The following DUSP16 variants were observed in gnomAD, a reference collection of about 807,000 sequenced individuals.
DUSP16 encodes dual specificity protein phosphatase 16.
DUSP16 carries 21 observed loss-of-function variants against 58.3 expected under a neutral mutation model. The observed-to-expected ratio is 0.36, with a 90% CI of 0.26 to 0.52. The LOEUF (loss-of-function observed/expected upper bound fraction) is 0.52, where lower values mean the gene tolerates loss of function less well. DUSP16 is among the 20% of genes least tolerant of loss of function. DUSP16 has a pLI of 0.94. For synonymous variants in DUSP16, 320 were observed against 323.8 expected, an observed-to-expected ratio of 0.99 and a Z score of 0.12; for missense variants, 726 against 819.0, an observed-to-expected ratio of 0.89 and a Z score of 1.39.
At chr12:12,553,898 T>C (rs529798251) in intron 1 of DUSP16, among the ~76,000 whole-genome samples, 9 of 152,164 alleles carry the variant, frequency 5.9e-5, no homozygotes, top group South Asian at 2.1e-4. Context: ...ACAGAACTTA[T>C]AGAAAATGTC....
At chr12:12,494,943 G>T (rs941446064) in intron 4 of DUSP16, among the ~76,000 whole-genome samples, 5 of 152,024 alleles carry the variant, frequency 3.3e-5, no homozygotes, top group African/African-American at 1.2e-4. Flanking sequence ...GTGTGGCACG[G>T]AATAAAGTAA....
intron 1 of DUSP16, among the ~76,000 whole-genome samples, chr12:12,546,264 G>A (rs1207617907): frequency 6.6e-6 from 1 of 152,146 alleles, no homozygotes; most frequent in Non-Finnish European, 1.5e-5. Context: ...CTTTACCTGT[G>A]TTTCGTGGTT....
Position 12,521,397 on chromosome 12 carries a change from G to C in DUSP16, c.-299C>G. On this transcript the variant is annotated 5_prime_UTR_variant, in exon 2 of 7. Coordinates refer to ENST00000298573, the MANE Select transcript of DUSP16 (RefSeq NM_030640.3). ...CCACAACAAAAGATGCTTTGGAGCA[G>C]CCAGCGCATTACATCATTCTTTACC... 1 of 1,272,236 alleles carries C rather than the reference G, an allele frequency of 7.9e-7. No homozygotes were observed. Among genetic ancestry groups the C allele is most frequent in the Non-Finnish European group, 1.0e-6 (1 of 1,000,786 alleles). 78.8% of individuals were successfully genotyped at this position (1,272,236 alleles called of 1,614,324 possible). A position where few individuals can be genotyped will look rare whatever the true frequency, so the allele number is the denominator to read the frequency against.
chr12:12,482,981 G>T (rs1441470051), intron 5 of DUSP16, among the ~76,000 whole-genome samples: 4 of 152,156 alleles, frequency 2.6e-5, no homozygotes, highest in African/African-American at 9.7e-5. Context: ...CCAAAGTGCT[G>T]TGATTGATTA....
Position 12,554,035 on chromosome 12 carries a change from T to C in DUSP16, c.-366+8082A>G, listed in dbSNP as rs1251979774. ...CACCCTGGTGAAACCACATCTCTAC[T>C]AAAAATACAAAAATTAGCTGGTGTG... On this transcript the variant is annotated intron_variant, in intron 1 of 6. Coordinates refer to ENST00000298573, the MANE Select transcript of DUSP16 (RefSeq NM_030640.3). 3.3e-5 allele frequency among the ~76,000 whole-genome samples: 5 copies of C among 151,654 alleles called. No individual in the cohort carries two copies. The East Asian group carries it at 7.8e-4, about 24-fold the overall frequency.
intron 1 of DUSP16, chr12:12,554,669 C>T (rs1039034531): frequency 1.4e-5 from 2 of 148,004 alleles, no homozygotes; most frequent in Admixed American, 6.7e-5. Flanking sequence ...CCTGTAAGTA[C>T]ATCCATATGT....
chr12:12,537,808 A>C (rs1330551163), intron 1 of DUSP16, among the ~76,000 whole-genome samples: 1 of 152,238 alleles, frequency 6.6e-6, no homozygotes, highest in Non-Finnish European at 1.5e-5. Context: ...ACACGATAAT[A>C]AATGTTCAGT....
chr12:12,547,530 T>TTA (rs1944662474), intron 1 of DUSP16, among the ~76,000 whole-genome samples: 3 of 106,210 alleles, frequency 2.8e-5, no homozygotes, highest in Non-Finnish European at 3.8e-5. Context: ...GTGAGTAGGC[T>TTA]TAAAAAAAAA....
intron 5 of DUSP16, 80 bp from the exon 6 acceptor site, chr12:12,480,426 G>GT: frequency 2.6e-6 from 4 of 1,534,292 alleles, no homozygotes; most frequent in Non-Finnish European, 2.7e-6. Flanking sequence ...TACTTACTCA[G>GT]TGTCTTCCAC....
Position 12,477,099 on chromosome 12 carries a change from T to A in DUSP16, c.1732A>T (p.Ser578Cys). The A allele has an allele frequency of 6.2e-7, 1 of 1,614,240 alleles. No individual in the cohort carries two copies. The change falls in exon 7 of 7, where the codon AGT becomes TGT. Residue 578 changes from serine to cysteine, a missense_variant. Ser to Cys is a moderately radical substitution (Grantham distance 112). Coordinates refer to ENST00000298573, the MANE Select transcript of DUSP16 (RefSeq NM_030640.3). The surrounding 1 kb of genome is among the most constrained non-coding windows in gnomAD (Gnocchi z 4.1). ...SASAIYGGSA[S>C]YSAYSCSQLP... is the part of the protein sequence containing the mutation. Reference sequence around the variant, plus strand: ...TGGCTGCAGCTGTAGGCAGAGTAACTGGCACTGCCTCCGTAGATGGCTGAG... The same window carrying A: ...TGGCTGCAGCTGTAGGCAGAGTAACAGGCACTGCCTCCGTAGATGGCTGAG...
intron 3 of DUSP16, among the ~76,000 whole-genome samples, chr12:12,509,751 T>C (rs1326346139): frequency 1.4e-4 from 22 of 152,204 alleles, no homozygotes; most frequent in South Asian, 4.1e-4. Context: ...TATTGAATCC[T>C]TCCTTGTTAC....
Position 12,477,182 on chromosome 12 carries a change from G to A in DUSP16, c.1649C>T (p.Thr550Ile). 2 of 1,614,218 alleles carry A rather than the reference G, an allele frequency of 1.2e-6. No individual in the cohort carries two copies. Among genetic ancestry groups the A allele is most frequent in the Middle Eastern group, 1.6e-4 (1 of 6,062 alleles). The change falls in exon 7 of 7, where the codon ACC (threonine) becomes ATC (isoleucine). Residue 550 changes from threonine to isoleucine, a missense_variant. Thr to Ile is a moderately conservative substitution (Grantham distance 89). Transcript: ENST00000298573. The surrounding 1 kb of genome is among the most constrained non-coding windows in gnomAD (Gnocchi z 4.1). ...ATACCAGCTGCTGGTCAGGGAAGGG[G>A]TAGAGGTCTGGGGGGCCAAGATATC... ...HSDILAPQTS[T>I]PSLTSSWYFA...
chr12:12,532,401 T>A (rs1002196976), intron 1 of DUSP16, among the ~76,000 whole-genome samples: 1 of 152,176 alleles, frequency 6.6e-6, no homozygotes, highest in Non-Finnish European at 1.5e-5. Flanking sequence ...AAGTCAAGTC[T>A]CAGAACAGCT....
rs73275132 is a variant in DUSP16, at chr12:12,543,334, T to C, written c.-366+18783A>G. Among the ~76,000 whole-genome samples the C allele has an allele frequency of 6.9e-3, 1,056 of 152,260 alleles. 20 individuals carry two copies. Among genetic ancestry groups the C allele is most frequent in the African/African-American group, 0.024 (1,000 of 41,534 alleles). ...AGTGGGCCATGTGTACAACTTATGG[T>C]TCAGAAAAATGTATCATATATAAAT... On this transcript the variant is annotated intron_variant, in intron 1 of 6. Transcript: ENST00000298573.
At position 12,557,270 on chromosome 12, in the gene DUSP16, G is replaced by A. The variant is rs1257373546; in HGVS notation, c.-366+4847C>T. Among the ~76,000 whole-genome samples the A allele has an allele frequency of 5.3e-5, 8 of 151,494 alleles. No homozygotes were observed. The East Asian group carries it at 7.8e-4, about 15-fold the overall frequency. On this transcript the variant is annotated intron_variant, in intron 1 of 6. Transcript: ENST00000298573. ...GGAGATCGAGACCATCCTGGCCAAC[G>A]TGGTGAAACCCCGTCTCTACTAAAA...
intron 4 of DUSP16, among the ~76,000 whole-genome samples, chr12:12,499,235 T>A (rs2136210747): frequency 6.6e-6 from 1 of 152,338 alleles, no homozygotes; most frequent in East Asian, 1.9e-4. Flanking sequence ...GAAGATTAAA[T>A]AAACCAGCTC....
At chr12:12,481,700 A>C (rs984947460) in intron 5 of DUSP16, among the ~76,000 whole-genome samples, 2 of 152,146 alleles carry the variant, frequency 1.3e-5, no homozygotes, top group Non-Finnish European at 2.9e-5. Context: ...GAAACCAAAC[A>C]CAATAAAACA....
intron 4 of DUSP16, among the ~76,000 whole-genome samples, chr12:12,497,141 G>A (rs1943839323): frequency 6.6e-6 from 1 of 152,160 alleles, no homozygotes; most frequent in African/African-American, 2.4e-5. Flanking sequence ...CTGATTGCAT[G>A]TTGAAATACT....
intron 1 of DUSP16, among the ~76,000 whole-genome samples, chr12:12,529,813 A>G (rs927091774): frequency 3.3e-5 from 5 of 152,234 alleles, no homozygotes; most frequent in African/African-American, 1.2e-4. Context: ...TGTTTATTTC[A>G]CTTAACACAA....
Sources: allele counts gnomAD v4.1 joint callset (sites outside exome capture counted in the v4.1 genomes callset), GRCh38; gene constraint gnomAD v4.1.1; non-coding constraint Gnocchi (gnomAD v3.1); transcripts MANE v1.5; gene names NCBI Gene and HGNC (gene_info 2026-07-23, HGNC 2026-07-21).